GALNT17: variants seen among roughly 807,000 people sequenced by gnomAD.
The protein encoded by GALNT17 is UDP-GalNAc:polypeptide N-acetylgalactosaminyltransferase-like 3.
In GALNT17, 29 loss-of-function variants were observed where a neutral mutation model predicts 63.7. The ratio of observed to expected loss-of-function variants is 0.46; its 90% CI spans 0.34 to 0.62. The LOEUF is 0.62. GALNT17 is among the 20% of genes least tolerant of loss of function. The pLI, the probability that GALNT17 is intolerant of heterozygous loss-of-function variation, is 0.01. For missense variants in GALNT17, 603 were observed against 799.6 expected, an observed-to-expected ratio of 0.75 and a Z score of 2.97; for synonymous variants, 305 against 318.3, an observed-to-expected ratio of 0.96 and a Z score of 0.45.
chr7:71,416,119 G>T, intron 4 of GALNT17, 56 bp downstream of exon 4: 2 of 1,540,546 alleles, frequency 1.3e-6, no homozygotes, highest in Non-Finnish European at 1.8e-6. Flanking sequence ...GGTTGAGAGG[G>T]GCTGGAATCT....
At chr7:71,257,181 T>C (rs1158913185) in intron 1 of GALNT17, among the ~76,000 whole-genome samples, 1 of 152,172 alleles carries the variant, frequency 6.6e-6, no homozygotes, top group Non-Finnish European at 1.5e-5. Context: ...CTGTTCTTTT[T>C]TTGTGAAATG....
rs185718631 is a variant in GALNT17 at position 71,278,815 on chromosome 7, C to T, written c.239-56735C>T. On this transcript the variant is annotated intron_variant, in intron 1 of 10. Transcript: ENST00000333538. ...ATTACCTCACACCGAGTCCCTTGCA[C>T]GACACATGGGAATTGTGGGAACTAC... Among the ~76,000 whole-genome samples the T allele has an allele frequency of 1.5e-4, 23 of 152,194 alleles. No individual in the cohort carries two copies. The East Asian group carries it at 3.5e-3, about 23-fold the overall frequency.
chr7:71,598,816 C>T (rs954448805), intron 6 of GALNT17, among the ~76,000 whole-genome samples: 5 of 50,758 alleles, frequency 9.9e-5, no homozygotes, highest in East Asian at 3.0e-3. Context: ...AGTAGCAAAT[C>T]GGGTAAATGA....
chr7:71,136,475 C>A (rs1767200560), intron 1 of GALNT17, among the ~76,000 whole-genome samples: 1 of 151,986 alleles, frequency 6.6e-6, no homozygotes, highest in Admixed American at 6.6e-5. Context: ...GAGGGCTCTA[C>A]CTCCTCCTGG....
chr7:71,152,060 T>C (rs1788144943), intron 1 of GALNT17, among the ~76,000 whole-genome samples: 1 of 152,192 alleles, frequency 6.6e-6, no homozygotes, highest in African/African-American at 2.4e-5. Context: ...TTAAAAACTT[T>C]GCTAATTTGC....
chr7:71,239,000 G>A (rs569064829), intron 1 of GALNT17, among the ~76,000 whole-genome samples: 5 of 152,256 alleles, frequency 3.3e-5, no homozygotes, highest in East Asian at 1.9e-4. Flanking sequence ...GTCAGCAACC[G>A]TGTGAGTGAA....
chr7:71,457,307 A>G (rs1015655439), intron 5 of GALNT17, among the ~76,000 whole-genome samples: 7 of 152,196 alleles, frequency 4.6e-5, no homozygotes, highest in Admixed American at 2.0e-4. Flanking sequence ...AATAGGAAGC[A>G]GGTTTGCCTG....
chr7:71,600,281 G>T (rs967051925), intron 6 of GALNT17, among the ~76,000 whole-genome samples: 4 of 151,348 alleles, frequency 2.6e-5, no homozygotes, highest in South Asian at 2.1e-4. Context: ...CTCCTGGGCA[G>T]GAATAGGGGG....
At chr7:71,634,496 G>A (rs1439846343) in intron 6 of GALNT17, among the ~76,000 whole-genome samples, 1 of 152,188 alleles carries the variant, frequency 6.6e-6, no homozygotes, top group Non-Finnish European at 1.5e-5. Context: ...GCTCACGCCT[G>A]TAATCCCAGA....
intron 9 of GALNT17, among the ~76,000 whole-genome samples, chr7:71,678,637 T>TA (rs1437814641): frequency 6.6e-6 from 1 of 151,504 alleles, no homozygotes; most frequent in Non-Finnish European, 1.5e-5. Flanking sequence ...CTACTAAAAA[T>TA]ACAAAAAATT....
intron 1 of GALNT17, among the ~76,000 whole-genome samples, chr7:71,312,772 A>C: frequency 6.6e-6 from 1 of 152,216 alleles, no homozygotes; most frequent in East Asian, 1.9e-4. Context: ...TTTGAAGCAC[A>C]GGGAGTTAGG....
chr7:71,483,854 A>G (rs1787863446), intron 5 of GALNT17, among the ~76,000 whole-genome samples: 1 of 152,110 alleles, frequency 6.6e-6, no homozygotes, highest in Non-Finnish European at 1.5e-5. Flanking sequence ...TTAATCTATA[A>G]ACTTTTTCCA....
intron 1 of GALNT17, among the ~76,000 whole-genome samples, chr7:71,160,405 A>G (rs1329542358): frequency 1.3e-5 from 2 of 152,216 alleles, no homozygotes; most frequent in African/African-American, 2.4e-5. Context: ...TCATGTTGCT[A>G]TAGGCAGATA....
intron 6 of GALNT17, among the ~76,000 whole-genome samples, chr7:71,588,530 T>C (rs1423568755): frequency 6.6e-6 from 1 of 152,242 alleles, no homozygotes; most frequent in Non-Finnish European, 1.5e-5. Flanking sequence ...GTTTTTTCTT[T>C]TCTACCGAGG....
rs533412638 is a variant in GALNT17, at chr7:71,598,764, G to A, written c.1080+27362G>A. ...AGGCCTGGGGTAATCAGAGGTCTCT[G>A]AGTTGTGGAGACATTAAGTGACTAA... On this transcript the variant is annotated intron_variant, in intron 6 of 10. Transcript: ENST00000333538. 2.0e-5 allele frequency among the ~76,000 whole-genome samples: 3 copies of A among 152,150 alleles called. No individual in the cohort carries two copies. The East Asian group carries it at 5.8e-4, about 30-fold the overall frequency.
At chr7:71,408,396 G>A (rs1793367572) in intron 3 of GALNT17, among the ~76,000 whole-genome samples, 1 of 152,236 alleles carries the variant, frequency 6.6e-6, no homozygotes, top group South Asian at 2.1e-4. Flanking sequence ...AAGCGTGGCA[G>A]TGGTGGCAAT....
chr7:71,577,757 G>A (rs1789562711), intron 6 of GALNT17, among the ~76,000 whole-genome samples: 1 of 152,156 alleles, frequency 6.6e-6, no homozygotes, highest in Admixed American at 6.6e-5. Flanking sequence ...TGCCTTAATT[G>A]CTGGTTGCAT....
intron 5 of GALNT17, among the ~76,000 whole-genome samples, chr7:71,557,053 ATTT>A (rs555277982): frequency 5.9e-4 from 80 of 136,644 alleles, no homozygotes; most frequent in Admixed American, 5.9e-4. Context: ...AACCCAGCTA[ATTT>A]TTTTTTTTTT....
At chr7:71,225,232 G>A (rs959712354) in intron 1 of GALNT17, among the ~76,000 whole-genome samples, 1 of 152,296 alleles carries the variant, frequency 6.6e-6, no homozygotes, top group African/African-American at 2.4e-5. Context: ...GCCTCCCAAA[G>A]TGCTGGGATT....
Sources: gnomAD v4.1 joint callset for allele counts (sites outside exome capture counted in the v4.1 genomes callset) on GRCh38, gnomAD v4.1.1 for gene constraint, MANE v1.5 for transcripts, NCBI Gene and HGNC (gene_info 2026-07-23, HGNC 2026-07-21) for gene names.